FLT1: variants seen among roughly 807,000 people sequenced by gnomAD.
FLT1 encodes fms related receptor tyrosine kinase 1, also known as vascular endothelial growth factor receptor 1.
In FLT1, 49 loss-of-function variants were observed where a neutral mutation model predicts 156.3. The ratio of observed to expected loss-of-function variants is 0.31; its 90% CI spans 0.25 to 0.40. The LOEUF is 0.40. Among genes scored for constraint, FLT1 ranks in the 10% least tolerant of loss-of-function variants. The pLI, the probability that FLT1 is intolerant of heterozygous loss-of-function variation, is 1.00. For synonymous variants in FLT1, 594 were observed against 583.8 expected (o/e 1.02, Z -0.25); for missense variants, 1,322 against 1,637.2 (o/e 0.81, Z 3.32).
intron 1 of FLT1, among the ~76,000 whole-genome samples, chr13:28,485,820 C>G (rs1011575792): frequency 1.2e-4 from 18 of 152,142 alleles, no homozygotes; most frequent in Non-Finnish European, 2.4e-4. Context: ...AAGGAAGCCC[C>G]GGCCAGGCTA....
At chr13:28,388,370 A>G in intron 13 of FLT1, 3 of 1,057,796 alleles carry the variant, frequency 2.8e-6, no homozygotes, top group Non-Finnish European at 3.4e-6. Context: ...TGAGTTCCCA[A>G]GCTTGAGAAG....
At chr13:28,466,293 GA>G (rs1448254888) in intron 3 of FLT1, among the ~76,000 whole-genome samples, 1 of 152,092 alleles carries the variant, frequency 6.6e-6, no homozygotes, top group Non-Finnish European at 1.5e-5. Flanking sequence ...GAATGAAAAT[GA>G]TTTTTTTACG....
At chr13:28,373,671 C>T (rs1055595315) in intron 14 of FLT1, among the ~76,000 whole-genome samples, 1 of 152,164 alleles carries the variant, frequency 6.6e-6, no homozygotes, top group African/African-American at 2.4e-5. Context: ...AGTTTTCCTT[C>T]TGTAGTCATC....
At chr13:28,372,712 T>C (rs898190125) in intron 14 of FLT1, among the ~76,000 whole-genome samples, 9 of 150,440 alleles carry the variant, frequency 6.0e-5, no homozygotes, top group Admixed American at 6.0e-4. Flanking sequence ...TGAAACCCCG[T>C]CTCTACTAAA....
At chr13:28,346,332 A>G (rs1342784257) in intron 15 of FLT1, 1 of 152,282 alleles carries the variant, frequency 6.6e-6, no homozygotes, top group Non-Finnish European at 1.5e-5. Context: ...GAATTTGTAA[A>G]GAAATGCCTC....
chr13:28,442,668 C>T (rs965855136), intron 3 of FLT1, among the ~76,000 whole-genome samples: 13 of 151,122 alleles, frequency 8.6e-5, no homozygotes, highest in African/African-American at 3.2e-4. Context: ...ATTATAAATC[C>T]ACTGTGTTTG....
At chr13:28,421,918 T>C (rs556523548) in intron 10 of FLT1, among the ~76,000 whole-genome samples, 2 of 152,302 alleles carry the variant, frequency 1.3e-5, no homozygotes, top group East Asian at 1.9e-4. Context: ...CACACAGAAG[T>C]CAGGGACGGT....
chr13:28,408,390 C>T (rs1875937119), intron 10 of FLT1, among the ~76,000 whole-genome samples: 1 of 152,170 alleles, frequency 6.6e-6, no homozygotes, highest in East Asian at 1.9e-4. Context: ...CCAGCTCTTC[C>T]ACATAAAAAG....
chr13:28,388,746 A>G, intron 13 of FLT1: 1 of 1,058,984 alleles, frequency 9.4e-7, no homozygotes, highest in South Asian at 4.6e-5. Flanking sequence ...ATTTAGAAGA[A>G]TGCATTAAAT....
At chr13:28,317,444 GC>G (rs1871253085) in intron 25 of FLT1, 53 bp downstream of exon 25, 2 of 1,075,724 alleles carry the variant, frequency 1.9e-6, no homozygotes. Context: ...TCTCAGGAAT[GC>G]CCTGGTGAAA....
chr13:28,317,542 C>T lies in FLT1; in HGVS notation c.3342G>A (p.Arg1114=). The change falls in exon 25 of 30, where the codon AGG becomes AGA. Residue 1114 remains arginine (R), a synonymous_variant. Transcript: ENST00000282397. ...QMDEDFCSRL[R]EGMRMRAPEY... Reference sequence around the variant, plus strand: ...CAGGAGCTCTCATCCTCATGCCTTCCCTCAGGCGACTGCAAAAGTCCTCAT... The same window carrying T: ...CAGGAGCTCTCATCCTCATGCCTTCTCTCAGGCGACTGCAAAAGTCCTCAT... The T allele has an allele frequency of 1.2e-6, 2 of 1,614,018 alleles. No individual in the cohort carries two copies. The highest frequency in any genetic ancestry group is 8.5e-7 in the Non-Finnish European group (1 of 1,179,912).
At chr13:28,463,636 A>T (rs537267835) in intron 3 of FLT1, among the ~76,000 whole-genome samples, 11 of 152,230 alleles carry the variant, frequency 7.2e-5, no homozygotes, top group Non-Finnish European at 1.3e-4. Context: ...ATATCTAGCG[A>T]GTAATCACAG....
chr13:28,450,820 G>A (rs1207367527), intron 3 of FLT1, among the ~76,000 whole-genome samples: 2 of 152,176 alleles, frequency 1.3e-5, no homozygotes, highest in Non-Finnish European at 2.9e-5. Context: ...TACAATTAAT[G>A]GCTGAGCAAA....
chr13:28,322,185 C>G lies in FLT1; in HGVS notation c.3051+77G>C, dbSNP rs1871488122. On this transcript the variant is annotated intron_variant, in intron 22 of 29. Transcript: ENST00000282397. This position sits in a 1 kb window ranked among gnomAD's most constrained non-coding sequence, Gnocchi z 4.3. ...TTAAGAACATAGGTATCAGCAAATACTAGGAAAAATGAATTTATAGCAAAG... is the reference window on the plus strand; with the variant it reads ...TTAAGAACATAGGTATCAGCAAATAGTAGGAAAAATGAATTTATAGCAAAG... 1.1e-6 allele frequency: 1 copy of G among 925,202 alleles called. No individual in the cohort carries two copies. The highest frequency in any genetic ancestry group is 1.7e-5 in the Admixed American group (1 of 58,870). 57.3% of individuals were successfully genotyped at this position (925,202 alleles called of 1,614,324 possible). A position where few individuals can be genotyped will look rare whatever the true frequency, so the allele number is the denominator to read the frequency against.
At chr13:28,328,872 C>T (rs186014435) in intron 19 of FLT1, among the ~76,000 whole-genome samples, 1 of 152,178 alleles carries the variant, frequency 6.6e-6, no homozygotes, top group East Asian at 1.9e-4. Flanking sequence ...AAACGTTATC[C>T]GGGGATGATG....
At chr13:28,424,178 A>G (rs1877186266) in intron 10 of FLT1, among the ~76,000 whole-genome samples, 1 of 151,688 alleles carries the variant, frequency 6.6e-6, no homozygotes, top group Non-Finnish European at 1.5e-5. Context: ...ACCTCAGGTG[A>G]TCCTCCTGCC....
In FLT1 at chr13:28,439,064, C is replaced by A. The variant is rs1878198340; in HGVS notation, c.389-719G>T. On this transcript the variant is annotated intron_variant, in intron 3 of 29. Coordinates refer to ENST00000282397, the MANE Select transcript of FLT1 (RefSeq NM_002019.4). This position sits in a 1 kb window ranked among gnomAD's most constrained non-coding sequence, Gnocchi z 4.1. Reference sequence around the variant, plus strand: ...AGAAGTCTGGAAAAGACTTTAAGCACCAATACTTCCTTAAAAAGCGTGGCA... The same window carrying A: ...AGAAGTCTGGAAAAGACTTTAAGCAACAATACTTCCTTAAAAAGCGTGGCA... Among the ~76,000 whole-genome samples, 1 of 152,194 alleles carries A rather than the reference C, an allele frequency of 6.6e-6. No individual in the cohort carries two copies. Among genetic ancestry groups the A allele is most frequent in the African/African-American group, 2.4e-5 (1 of 41,440 alleles).
intron 29 of FLT1, among the ~76,000 whole-genome samples, chr13:28,305,883 AC>A (rs1184258381): frequency 6.6e-6 from 1 of 152,108 alleles, no homozygotes; most frequent in African/African-American, 2.4e-5. Context: ...AAGATTGGAC[AC>A]CCCTGCTAAT....
At chr13:28,470,209 T>G (rs1242254933) in intron 1 of FLT1, among the ~76,000 whole-genome samples, 2 of 152,174 alleles carry the variant, frequency 1.3e-5, no homozygotes, top group Non-Finnish European at 1.5e-5. Context: ...TTCAGGTACC[T>G]AGGAATGTAT....
Sources: allele counts gnomAD v4.1 joint callset (sites outside exome capture counted in the v4.1 genomes callset), GRCh38; gene constraint gnomAD v4.1.1; non-coding constraint Gnocchi (gnomAD v3.1); transcripts MANE v1.5; gene names NCBI Gene and HGNC (gene_info 2026-07-23, HGNC 2026-07-21).